DENND1B: variants seen among roughly 807,000 people sequenced by gnomAD.
DENND1B encodes the protein DENN domain containing 1B, also known as DENN domain-containing protein 1B.
DENND1B carries 59 observed loss-of-function variants against 90.1 expected under a neutral mutation model. That is an observed-to-expected ratio of 0.65 (90% CI 0.53 to 0.81). DENND1B has a LOEUF of 0.81. DENND1B is among the 40% of genes least tolerant of loss of function. The probability of loss-of-function intolerance (pLI) is 0.00; values close to 1 mark genes in which losing one functional copy is unlikely to be tolerated. For synonymous variants in DENND1B, 337 were observed against 324.6 expected (o/e 1.04, Z -0.41); for missense variants, 862 against 912.6 (o/e 0.94, Z 0.71).
Position 197,507,899 on chromosome 1 carries a change from C to G in DENND1B, c.*2561G>C, listed in dbSNP as rs528333307. On this transcript the variant is annotated 3_prime_UTR_variant, in exon 23 of 23. Transcript: ENST00000620048. ...TATTCTGGATGTTTTTAAAGAATAACATGCAGAATTGTTTTTCTGCCTTTG... is the reference window on the plus strand; with the variant it reads ...TATTCTGGATGTTTTTAAAGAATAAGATGCAGAATTGTTTTTCTGCCTTTG... 1.3e-5 allele frequency: 2 copies of G among 151,682 alleles called. No homozygotes were observed. The highest frequency in any genetic ancestry group is 3.9e-4 in the East Asian group (2 of 5,140). The allele number at this position is 151,682 out of a possible 1,614,324, so 9.4% of individuals were successfully genotyped here.
chr1:197,572,433 G>A lies in DENND1B; in HGVS notation c.1149+10719C>T, dbSNP rs143053754. ...GCCGGGAAGCTCGAACTGGGCGGAG[G>A]CCACTGCAGCTCAGCAAGGCCTACT... On this transcript the variant is annotated intron_variant, in intron 15 of 22. Transcript: ENST00000620048. Among the ~76,000 whole-genome samples the A allele has an allele frequency of 5.9e-3, 899 of 152,330 alleles. 13 individuals are homozygous for A. The highest frequency in any genetic ancestry group is 0.02 in the African/African-American group (841 of 41,588).
At chr1:197,672,606 T>C (rs1655627307) in intron 4 of DENND1B, among the ~76,000 whole-genome samples, 1 of 152,066 alleles carries the variant, frequency 6.6e-6, no homozygotes, top group Non-Finnish European at 1.5e-5. Flanking sequence ...CCACCAACTC[T>C]GTTTAATTGC....
At chr1:197,592,014 CAGG>C (rs1261176205) in intron 14 of DENND1B, among the ~76,000 whole-genome samples, 1 of 140,326 alleles carries the variant, frequency 7.1e-6, no homozygotes, top group Non-Finnish European at 1.5e-5. Flanking sequence ...GACGCTGAGG[CAGG>C]AGAATGGCAT....
chr1:197,758,899 AG>A (rs1182581222), intron 2 of DENND1B, among the ~76,000 whole-genome samples: 1 of 152,074 alleles, frequency 6.6e-6, no homozygotes, highest in African/African-American at 2.4e-5. Flanking sequence ...AAGGTTCAAA[AG>A]GCACACTAAT....
chr1:197,640,194 C>T (rs1272529831), intron 10 of DENND1B, among the ~76,000 whole-genome samples: 4 of 152,018 alleles, frequency 2.6e-5, no homozygotes, highest in Non-Finnish European at 4.4e-5. Flanking sequence ...ATGTAGAGGC[C>T]GGGTGCGGTG....
chr1:197,766,114 AAT>A (rs1363898217), intron 2 of DENND1B, among the ~76,000 whole-genome samples: 3 of 152,168 alleles, frequency 2.0e-5, no homozygotes, highest in Admixed American at 6.5e-5. Flanking sequence ...TTTATTTTTT[AAT>A]AGAGATGGGA....
At chr1:197,762,222 T>TA (rs1053059432) in intron 2 of DENND1B, among the ~76,000 whole-genome samples, 2 of 151,610 alleles carry the variant, frequency 1.3e-5, no homozygotes, top group African/African-American at 4.8e-5. Flanking sequence ...TAGCTCAAGA[T>TA]AGACTATAAC....
At chr1:197,587,866 G>A (rs1467915687) in intron 14 of DENND1B, among the ~76,000 whole-genome samples, 1 of 152,052 alleles carries the variant, frequency 6.6e-6, no homozygotes, top group African/African-American at 2.4e-5. Context: ...CTTGCAACTA[G>A]ATGGTCTTAT....
chr1:197,529,370 G>A (rs1669455115), intron 20 of DENND1B, among the ~76,000 whole-genome samples: 1 of 151,014 alleles, frequency 6.6e-6, no homozygotes. Flanking sequence ...ACATGTGTAT[G>A]TGTGGGTGGG....
At chr1:197,564,851 G>A in intron 15 of DENND1B, among the ~76,000 whole-genome samples, 1 of 151,804 alleles carries the variant, frequency 6.6e-6, no homozygotes, top group East Asian at 1.9e-4. Context: ...CAAGCAGTCT[G>A]AGACTACACT....
intron 1 of DENND1B, among the ~76,000 whole-genome samples, chr1:197,773,374 C>A (rs143860307): frequency 3.9e-5 from 6 of 152,322 alleles, no homozygotes; most frequent in African/African-American, 1.2e-4. Flanking sequence ...GGTTCTCAGG[C>A]TGTCTCCAAA....
intron 20 of DENND1B, among the ~76,000 whole-genome samples, chr1:197,529,873 C>A (rs12120143): frequency 2.6e-5 from 4 of 152,078 alleles, no homozygotes; most frequent in Non-Finnish European, 4.4e-5. Context: ...TGACCAGTGG[C>A]TATATTCTCA....
intron 2 of DENND1B, chr1:197,734,662 C>T (rs958889807): frequency 1.3e-5 from 13 of 984,368 alleles, no homozygotes; most frequent in South Asian, 4.7e-5. Flanking sequence ...CAAAACCCTA[C>T]AAACAGACAG....
chr1:197,604,225 G>A (rs79754977), intron 13 of DENND1B, among the ~76,000 whole-genome samples: 1 of 150,658 alleles, frequency 6.6e-6, no homozygotes, highest in Non-Finnish European at 1.5e-5. Context: ...CAAATCTATA[G>A]TGAAATGATG....
At chr1:197,528,040 A>G (rs1398661127) in intron 20 of DENND1B, among the ~76,000 whole-genome samples, 1 of 152,168 alleles carries the variant, frequency 6.6e-6, no homozygotes, top group African/African-American at 2.4e-5. Context: ...AATTCCTATG[A>G]ATGAAAGTGT....
chr1:197,726,351 T>C (rs1661634155), intron 2 of DENND1B, among the ~76,000 whole-genome samples: 1 of 152,186 alleles, frequency 6.6e-6, no homozygotes, highest in Admixed American at 6.5e-5. Flanking sequence ...CTACTCACTT[T>C]GCAGAACCGC....
intron 20 of DENND1B, among the ~76,000 whole-genome samples, chr1:197,516,270 T>C (rs1428519475): frequency 2.0e-5 from 3 of 151,858 alleles, no homozygotes; most frequent in African/African-American, 7.2e-5. Context: ...TATACATATA[T>C]GAAATAAGCT....
At chr1:197,779,883 C>G (rs1361424891), upstream of DENND1B, among the ~76,000 whole-genome samples, 1 of 151,928 alleles carries the variant, frequency 6.6e-6, no homozygotes, top group Non-Finnish European at 1.5e-5. Context: ...TACTTATGGT[C>G]TCTTGATTTC....
chr1:197,538,703 T>C (rs1259802371), intron 20 of DENND1B, among the ~76,000 whole-genome samples: 1 of 146,990 alleles, frequency 6.8e-6, no homozygotes, highest in African/African-American at 2.5e-5. Flanking sequence ...AGAGTTTCAG[T>C]ACAGCTTCAC....
Sources: gnomAD v4.1 joint callset for allele counts (sites outside exome capture counted in the v4.1 genomes callset) on GRCh38, gnomAD v4.1.1 for gene constraint, MANE v1.5 for transcripts, NCBI Gene and HGNC (gene_info 2026-07-23, HGNC 2026-07-21) for gene names.